DIAPH2: variants seen among roughly 807,000 people sequenced by gnomAD.
DIAPH2 encodes protein diaphanous homolog 2.
A neutral mutation model predicts 92.7 loss-of-function variants in DIAPH2; 35 were observed. The observed-to-expected ratio is 0.38, with a 90% CI of 0.29 to 0.50. DIAPH2 has a LOEUF of 0.50. Ranked by LOEUF, DIAPH2 falls within the 20% of genes least tolerant of loss-of-function variation. DIAPH2 has a pLI of 0.94. For synonymous variants in DIAPH2, 301 were observed against 280.4 expected, an observed-to-expected ratio of 1.07 and a Z score of -0.73; for missense variants, 701 against 819.5, an observed-to-expected ratio of 0.86 and a Z score of 1.77.
intron 23 of DIAPH2, among the ~76,000 whole-genome samples, chrX:97,294,353 G>C (rs2182339): frequency 0.44 from 48,563 of 110,916 alleles, 9,020 homozygotes; most frequent in Non-Finnish European, 0.59. Flanking sequence ...CAGTTCGTTG[G>C]TCTTAATTTA....
intron 1 of DIAPH2, among the ~76,000 whole-genome samples, chrX:96,698,297 T>C (rs2063835827): frequency 8.9e-6 from 1 of 111,798 alleles, no homozygotes; most frequent in Admixed American, 9.6e-5. Context: ...TTTGGAAAAA[T>C]TAATGCTATC....
intron 22 of DIAPH2, among the ~76,000 whole-genome samples, chrX:97,148,069 C>G (rs1001821627): frequency 1.8e-5 from 2 of 111,432 alleles, no homozygotes; most frequent in South Asian, 3.8e-4. Context: ...TAGAGATTAT[C>G]TAGTCCCTGC....
At position 96,746,585 on chromosome X, in the gene DIAPH2, G is replaced by T. The variant is rs769240599; in HGVS notation, c.342+7823G>T. Among the ~76,000 whole-genome samples, 5 of 109,400 alleles carry T rather than the reference G, an allele frequency of 4.6e-5. No homozygotes were observed. The South Asian group carries it at 2.0e-3, about 43-fold the overall frequency. On this transcript the variant is annotated intron_variant, in intron 3 of 26. Coordinates refer to ENST00000324765, the MANE Select transcript of DIAPH2 (RefSeq NM_006729.5). ...GTTTGTTTTTTCGAGATGGAGTCTT[G>T]CTGTGTCCATTAGGCTGTAGTGCAG...
intron 4 of DIAPH2, among the ~76,000 whole-genome samples, chrX:96,837,431 CTCTGTG>C (rs1362730271): frequency 2.5e-4 from 9 of 36,511 alleles, no homozygotes; most frequent in African/African-American, 1.6e-3. Flanking sequence ...CTCTCTCTCT[CTCTGTG>C]TGTGTGTGTG....
intron 25 of DIAPH2, among the ~76,000 whole-genome samples, chrX:97,400,458 A>G (rs909030185): frequency 8.9e-6 from 1 of 111,993 alleles, no homozygotes; most frequent in South Asian, 3.7e-4. Context: ...ATGTTTTGAC[A>G]TATGTATACA....
intron 4 of DIAPH2, among the ~76,000 whole-genome samples, chrX:96,819,606 C>G (rs1257629781): frequency 8.9e-6 from 1 of 111,933 alleles, no homozygotes; most frequent in East Asian, 2.8e-4. Context: ...TGTCTGTAAG[C>G]TGTTTCTTGC....
At chrX:96,966,857 T>A (rs1170507997) in intron 17 of DIAPH2, among the ~76,000 whole-genome samples, 1 of 111,970 alleles carries the variant, frequency 8.9e-6, no homozygotes, top group Non-Finnish European at 1.9e-5. Context: ...TGAGTTTGTA[T>A]CAGTTTATAA....
rs1223063907 is a variant in DIAPH2 at position 96,812,783 on chromosome X, G to C, written c.447+54525G>C. The stretch of plus-strand genomic sequence containing the variant: ...CTGCCTTCATTTTGTTATGTACCCA[G>C]TAGTCATTCAGGAGCAGGTTGTTCA... On this transcript the variant is annotated intron_variant, in intron 4 of 26. Coordinates refer to ENST00000324765, the MANE Select transcript of DIAPH2 (RefSeq NM_006729.5). Among the ~76,000 whole-genome samples the C allele has an allele frequency of 3.6e-5, 4 of 111,899 alleles. No individual in the cohort carries two copies. The South Asian group carries it at 1.5e-3, about 42-fold the overall frequency.
chrX:96,813,808 T>A (rs767076343), intron 4 of DIAPH2, among the ~76,000 whole-genome samples: 136 of 111,980 alleles, frequency 1.2e-3, no homozygotes, highest in African/African-American at 4.3e-3. Flanking sequence ...GATATGAAAT[T>A]CTGGGTTGAA....
chrX:97,076,570 A>C (rs766420766), intron 19 of DIAPH2, among the ~76,000 whole-genome samples: 1 of 111,780 alleles, frequency 8.9e-6, no homozygotes, highest in African/African-American at 3.2e-5. Flanking sequence ...CAAAAACATC[A>C]AATAGTTAAA....
chrX:97,237,890 A>AC (rs2068061947), intron 22 of DIAPH2, among the ~76,000 whole-genome samples: 1 of 112,684 alleles, frequency 8.9e-6, no homozygotes, highest in Admixed American at 9.4e-5. Flanking sequence ...CCGCAAAAAA[A>AC]GATTTTTCTT....
chrX:97,113,420 C>T (rs995407337), intron 20 of DIAPH2, among the ~76,000 whole-genome samples: 15 of 111,353 alleles, frequency 1.3e-4, no homozygotes, highest in Admixed American at 4.8e-4. Context: ...TATAATAATA[C>T]CCTGACCAGA....
chrX:96,783,048 G>T (rs766581012), intron 4 of DIAPH2, among the ~76,000 whole-genome samples: 2 of 111,849 alleles, frequency 1.8e-5, no homozygotes, highest in Admixed American at 1.9e-4. Flanking sequence ...CAATGCGTAC[G>T]ATCAGTGAAA....
intron 17 of DIAPH2, among the ~76,000 whole-genome samples, chrX:97,069,476 AT>A (rs2066655128): frequency 9.0e-6 from 1 of 111,170 alleles, no homozygotes; most frequent in African/African-American, 3.3e-5. Flanking sequence ...TGGATTCTTT[AT>A]AACATTTATA....
chrX:97,470,812 T>G (rs1460285498), intron 26 of DIAPH2, among the ~76,000 whole-genome samples: 1 of 110,654 alleles, frequency 9.0e-6, no homozygotes, highest in Non-Finnish European at 1.9e-5. Flanking sequence ...TCATGGGAGT[T>G]GCTATGCACA....
At chrX:97,319,678 G>A (rs1331293635) in intron 23 of DIAPH2, among the ~76,000 whole-genome samples, 4 of 110,698 alleles carry the variant, frequency 3.6e-5, no homozygotes, top group Non-Finnish European at 7.6e-5. Flanking sequence ...GAGCCACCAC[G>A]CCCGGCCAAA....
intron 23 of DIAPH2, among the ~76,000 whole-genome samples, chrX:97,266,543 C>G (rs1267683040): frequency 9.0e-6 from 1 of 111,632 alleles, no homozygotes; most frequent in Non-Finnish European, 1.9e-5. Flanking sequence ...TATTTCCAAT[C>G]AAATGATTCT....
At position 97,546,835 on chromosome X, in the gene DIAPH2, C is replaced by CA. The variant is rs201721287; in HGVS notation, c.3242-52406dup. 6.0e-3 allele frequency among the ~76,000 whole-genome samples: 581 copies of CA among 96,542 alleles called. 2 individuals are homozygous for CA. The highest frequency in any genetic ancestry group is 0.01 in the African/African-American group (267 of 26,392). 83.8% of individuals were successfully genotyped at this position (96,542 alleles called of 115,157 possible). A position where few individuals can be genotyped will look rare whatever the true frequency, so the allele number is the denominator to read the frequency against. On this transcript the variant is annotated intron_variant, in intron 26 of 26. Coordinates refer to ENST00000324765, the MANE Select transcript of DIAPH2 (RefSeq NM_006729.5). ...TCGGCGACAGAGTGAGGCTCTGTCTCAAAAAAAAAAAAGTTACAATCATGT... is the reference window on the plus strand; with the variant it reads ...TCGGCGACAGAGTGAGGCTCTGTCTCAAAAAAAAAAAAAGTTACAATCATGT...
At chrX:97,322,903 CTT>C (rs1160046333) in intron 23 of DIAPH2, among the ~76,000 whole-genome samples, 9 of 76,881 alleles carry the variant, frequency 1.2e-4, no homozygotes, top group Non-Finnish European at 1.0e-4. Context: ...TATCCCAGTT[CTT>C]TTTTTTTTTT....
Sources: gnomAD v4.1 joint callset for allele counts (sites outside exome capture counted in the v4.1 genomes callset) on GRCh38, gnomAD v4.1.1 for gene constraint, MANE v1.5 for transcripts, NCBI Gene and HGNC (gene_info 2026-07-23, HGNC 2026-07-21) for gene names.